The following DLGAP1 variants were observed in gnomAD, a reference collection of about 807,000 sequenced individuals.
DLGAP1 encodes the protein DLG associated protein 1.
A neutral mutation model predicts 90.8 loss-of-function variants in DLGAP1; 11 were observed. The observed-to-expected ratio is 0.12, with a 90% CI of 0.08 to 0.20. The LOEUF (loss-of-function observed/expected upper bound fraction) is 0.20. DLGAP1 is among the 10% of genes least tolerant of loss of function. The probability of loss-of-function intolerance (pLI) is 1.00; values close to 1 mark genes in which losing one functional copy is unlikely to be tolerated. For missense variants in DLGAP1, 1,050 were observed against 1,333.8 expected (o/e 0.79, Z 3.31); for synonymous variants, 558 against 540.7 (o/e 1.03, Z -0.44).
At chr18:3,858,521 T>C (rs911041747) in intron 4 of DLGAP1, among the ~76,000 whole-genome samples, 1 of 146,736 alleles carries the variant, frequency 6.8e-6, no homozygotes, top group Non-Finnish European at 1.5e-5. Context: ...TACACGTATA[T>C]ATATATGCAC....
chr18:4,349,623 A>T (rs1300720838), intron 1 of DLGAP1, among the ~76,000 whole-genome samples: 2 of 152,198 alleles, frequency 1.3e-5, no homozygotes, highest in African/African-American at 4.8e-5. Context: ...TGTTGTTATA[A>T]ATTATACAAC....
intron 1 of DLGAP1, among the ~76,000 whole-genome samples, chr18:4,184,884 G>A (rs2077266233): frequency 6.6e-6 from 1 of 152,078 alleles, no homozygotes; most frequent in Non-Finnish European, 1.5e-5. Context: ...TATGCACCTA[G>A]TGTCCTGCAC....
At chr18:4,085,917 G>C (rs2075674453) in intron 2 of DLGAP1, among the ~76,000 whole-genome samples, 1 of 152,054 alleles carries the variant, frequency 6.6e-6, no homozygotes, top group Non-Finnish European at 1.5e-5. Flanking sequence ...CTTACTGTGG[G>C]AACTTCTTTT....
chr18:4,078,770 G>A (rs1329242446), intron 2 of DLGAP1, among the ~76,000 whole-genome samples: 2 of 152,092 alleles, frequency 1.3e-5, no homozygotes, highest in African/African-American at 4.8e-5. Context: ...GAAGACGGGA[G>A]GTATGAATGG....
chr18:3,573,166 T>C (rs1308208576), intron 8 of DLGAP1, among the ~76,000 whole-genome samples: 2 of 152,196 alleles, frequency 1.3e-5, no homozygotes, highest in African/African-American at 4.8e-5. Flanking sequence ...TTGTGTTCTT[T>C]CAAATTTAGG....
intron 7 of DLGAP1, among the ~76,000 whole-genome samples, chr18:3,720,637 T>G (rs373977483): frequency 6.6e-6 from 1 of 152,244 alleles, no homozygotes; most frequent in East Asian, 1.9e-4. Context: ...CTGCCAGTGT[T>G]AATTACATGG....
intron 3 of DLGAP1, among the ~76,000 whole-genome samples, chr18:3,965,891 T>G (rs2073316733): frequency 1.5e-5 from 2 of 136,432 alleles, no homozygotes; most frequent in African/African-American, 5.6e-5. Flanking sequence ...GAGGTTGCCG[T>G]GAGCCGAGAT....
At chr18:4,436,484 C>G (rs1409753939) in intron 1 of DLGAP1, among the ~76,000 whole-genome samples, 1 of 152,092 alleles carries the variant, frequency 6.6e-6, no homozygotes, top group Non-Finnish European at 1.5e-5. Flanking sequence ...GTCCAGAACC[C>G]ATACTTTGGG....
intron 7 of DLGAP1, among the ~76,000 whole-genome samples, chr18:3,622,498 T>C (rs1208995333): frequency 2.0e-5 from 3 of 152,166 alleles, no homozygotes; most frequent in Non-Finnish European, 4.4e-5. Flanking sequence ...CCCTGGGGAA[T>C]GTGGGAGGAG....
At position 3,879,805 on chromosome 18, in the gene DLGAP1, C is replaced by T. The variant is rs2071102935; in HGVS notation, c.264G>A (p.Val88=). Residue 88 remains valine, a synonymous_variant, in exon 4 of 13, where the codon GTG becomes GTA. Coordinates refer to ENST00000315677, the MANE Select transcript of DLGAP1 (RefSeq NM_004746.4). This position sits in a 1 kb window ranked among gnomAD's most constrained non-coding sequence, Gnocchi z 6.6. ...QQELKDECAL[V]PRTLATKANR... ...TCGCCTTGGTGGCCAGGGTGCGGGG[C>T]ACCAGGGCACACTCGTCCTTCAGCT... 2 of 1,607,514 alleles carry T rather than the reference C, an allele frequency of 1.2e-6. No individual in the cohort carries two copies. The highest frequency in any genetic ancestry group is 1.7e-6 in the Non-Finnish European group (2 of 1,179,874).
chr18:4,109,900 T>G (rs563405776), intron 2 of DLGAP1, among the ~76,000 whole-genome samples: 28 of 152,166 alleles, frequency 1.8e-4, no homozygotes, highest in Non-Finnish European at 3.7e-4. Context: ...TTTATTTGTT[T>G]TTTGTGGGGA....
chr18:4,278,708 T>G (rs1344739090), intron 1 of DLGAP1, among the ~76,000 whole-genome samples: 1 of 151,568 alleles, frequency 6.6e-6, no homozygotes, highest in Non-Finnish European at 1.5e-5. Context: ...TATATATATG[T>G]GCATGTGTGT....
intron 1 of DLGAP1, among the ~76,000 whole-genome samples, chr18:4,212,177 T>C (rs2077856150): frequency 6.6e-6 from 1 of 152,108 alleles, no homozygotes; most frequent in Non-Finnish European, 1.5e-5. Context: ...TGTTGCCCAA[T>C]GCATAGCACT....
At chr18:4,060,914 TGTG>T (rs1238528159) in intron 2 of DLGAP1, among the ~76,000 whole-genome samples, 1 of 152,072 alleles carries the variant, frequency 6.6e-6, no homozygotes, top group Non-Finnish European at 1.5e-5. Flanking sequence ...ATGAAAGAAA[TGTG>T]GTAAAATTTA....
chr18:3,952,537 A>G (rs2073008846), intron 3 of DLGAP1, among the ~76,000 whole-genome samples: 1 of 152,230 alleles, frequency 6.6e-6, no homozygotes, highest in Non-Finnish European at 1.5e-5. Context: ...CATGGCCACA[A>G]ACCTGTAGCC....
At chr18:3,596,143 G>A (rs2056561548) in intron 7 of DLGAP1, among the ~76,000 whole-genome samples, 4 of 151,982 alleles carry the variant, frequency 2.6e-5, no homozygotes, top group Admixed American at 2.6e-4. Context: ...AGTGCCAGGA[G>A]CAGGAAAGAA....
intron 4 of DLGAP1, 135 bp downstream of exon 4, chr18:3,878,977 A>T: frequency 1.5e-6 from 1 of 685,250 alleles, no homozygotes; most frequent in Non-Finnish European, 2.2e-6. Context: ...TTCGGCACAG[A>T]GATGCCGAAT....
intron 3 of DLGAP1, among the ~76,000 whole-genome samples, chr18:3,888,107 CAAAAAAAA>C (rs1164887393): frequency 4.5e-4 from 22 of 49,394 alleles, no homozygotes; most frequent in African/African-American, 1.5e-3. Context: ...GACTCCATCT[CAAAAAAAA>C]AAAAAAAAAA....
intron 1 of DLGAP1, among the ~76,000 whole-genome samples, chr18:4,425,380 G>A (rs2144710533): frequency 6.6e-6 from 1 of 152,276 alleles, no homozygotes; most frequent in Middle Eastern, 3.4e-3. Flanking sequence ...CTGTCCTCCT[G>A]TTGATGTGAG....
Sources: gnomAD v4.1 joint callset for allele counts (sites outside exome capture counted in the v4.1 genomes callset) on GRCh38, gnomAD v4.1.1 for gene constraint, Gnocchi (gnomAD v3.1) non-coding constraint, MANE v1.5 for transcripts, NCBI Gene and HGNC (gene_info 2026-07-23, HGNC 2026-07-21) for gene names.